MKNK1: variants seen among roughly 807,000 people sequenced by gnomAD.
The protein encoded by MKNK1 is MAPK interacting serine/threonine kinase 1.
A neutral mutation model predicts 49.3 loss-of-function variants in MKNK1; 30 were observed. The ratio of observed to expected loss-of-function variants is 0.61; its 90% CI spans 0.46 to 0.83. The LOEUF (loss-of-function observed/expected upper bound fraction) is 0.83. Among genes scored for constraint, MKNK1 ranks in the 40% least tolerant of loss-of-function variants. The pLI is 0.00. For missense variants in MKNK1, 423 were observed against 524.7 expected (o/e 0.81, Z 1.89); for synonymous variants, 176 against 201.7 (o/e 0.87, Z 1.08).
chr1:46,579,409 G>A (rs1051906387), intron 4 of MKNK1, among the ~76,000 whole-genome samples: 1 of 152,122 alleles, frequency 6.6e-6, no homozygotes, highest in African/African-American at 2.4e-5. Context: ...AGACTCAAGT[G>A]GGGAATCTGG....
rs780978342 is a variant in MKNK1, at chr1:46,594,212, G to T, written c.-102C>A. The T allele has an allele frequency of 7.6e-7, 1 of 1,311,264 alleles. No homozygotes were observed. The allele number at this position is 1,311,264 out of a possible 1,614,324, so 81.2% of individuals were successfully genotyped here. A position where few individuals can be genotyped will look rare whatever the true frequency, so the allele number is the denominator to read the frequency against. On this transcript the variant is annotated 5_prime_UTR_variant, in exon 2 of 13. Transcript: ENST00000371945. ...GGAAGTTGGTGTCTTCCAGCTACAC[G>T]AAGTGTCTCAATGGCCTTTGTGCGT...
intron 7 of MKNK1, among the ~76,000 whole-genome samples, chr1:46,570,557 C>T (rs1468226225): frequency 6.6e-6 from 1 of 152,226 alleles, no homozygotes; most frequent in Non-Finnish European, 1.5e-5. Context: ...CACTGGTCTG[C>T]ACCGGATTGT....
rs2148641838 is a variant in MKNK1, at chr1:46,572,114, T to C, written c.406A>G (p.Ser136Gly). ...GCAGCAACGTCCCGCACCACTCGGC[T>C]GGCTTCTCGCTCATTGAAGTGCTTT... is the stretch of plus-strand genomic sequence containing the variant. The part of the protein sequence containing the change: ...KQKHFNEREA[S>G]RVVRDVAAAL... The change falls in exon 7 of 13, where the codon AGC (serine) becomes GGC (glycine). Residue 136 changes from serine to glycine, a missense_variant. Transcript: ENST00000371945. The C allele has an allele frequency of 1.2e-6, 2 of 1,614,188 alleles. No individual in the cohort carries two copies. The highest frequency in any genetic ancestry group is 1.3e-5 in the African/African-American group (1 of 75,062).
chr1:46,569,371 A>T (rs1669687237), intron 7 of MKNK1: 1 of 152,270 alleles, frequency 6.6e-6, no homozygotes, highest in Non-Finnish European at 1.5e-5. Flanking sequence ...CTAACCAAAG[A>T]AAGGGACAAA....
intron 4 of MKNK1, among the ~76,000 whole-genome samples, chr1:46,578,566 G>A (rs11211305): frequency 0.047 from 7,062 of 151,272 alleles, 185 homozygotes; most frequent in African/African-American, 0.08. Context: ...GGTTTTTACC[G>A]CATTTAGACA....
At chr1:46,571,352 T>C (rs1570132757) in intron 7 of MKNK1, 2 of 255,722 alleles carry the variant, frequency 7.8e-6, no homozygotes, top group South Asian at 6.7e-5. Flanking sequence ...GAGACCAGCC[T>C]GGGCAACAGA....
intron 2 of MKNK1, 68 bp from the exon 3 acceptor site, chr1:46,583,397 G>GAA: frequency 2.0e-5 from 22 of 1,119,934 alleles, no homozygotes; most frequent in Admixed American, 7.3e-5. Context: ...TACCCAGAAG[G>GAA]AAAAAAAAAA....
At chr1:46,570,607 G>A (rs982998302) in intron 7 of MKNK1, among the ~76,000 whole-genome samples, 2 of 152,256 alleles carry the variant, frequency 1.3e-5, no homozygotes, top group African/African-American at 4.8e-5. Flanking sequence ...GCCTACCACT[G>A]GTCCCGGGCA....
At chr1:46,587,451 G>C (rs1233293567) in intron 2 of MKNK1, among the ~76,000 whole-genome samples, 1 of 152,188 alleles carries the variant, frequency 6.6e-6, no homozygotes, top group African/African-American at 2.4e-5. Flanking sequence ...GTGCCTCTTA[G>C]AGTCTCAGTT....
chr1:46,577,194 T>C (rs1167059606), intron 4 of MKNK1, among the ~76,000 whole-genome samples: 1 of 152,152 alleles, frequency 6.6e-6, no homozygotes, highest in Admixed American at 6.6e-5. Context: ...ATGATTTATT[T>C]ACGGCCGGGT....
Position 46,580,645 on chromosome 1 carries a change from G to A in MKNK1, c.101-18C>T, listed in dbSNP as rs372995446. 1.9e-5 allele frequency: 30 copies of A among 1,559,966 alleles called. 1 individual carries two copies. The Admixed American group carries it at 3.0e-4, about 16-fold the overall frequency. ...GTACATATCTAGAGGTGAAATGGAT[G>A]AGAGGAATAACAAGATGAGTCACCC... is the stretch of plus-strand genomic sequence containing the variant. On this transcript the variant is annotated intron_variant, in intron 3 of 12. Transcript: ENST00000371945.
In MKNK1 at chr1:46,558,399, T is replaced by C; in HGVS notation, c.*176A>G. On this transcript the variant is annotated 3_prime_UTR_variant, in exon 13 of 13. Coordinates refer to ENST00000371945, the MANE Select transcript of MKNK1 (RefSeq NM_001135553.4). ...AACCCCTTTGGAAAAAGCTTTTTCC[T>C]CCAGGACCCTAGGGAAATGGGGGTT... 3.2e-6 allele frequency: 2 copies of C among 629,694 alleles called. No homozygotes were observed. The highest frequency in any genetic ancestry group is 3.5e-5 in the Admixed American group (1 of 28,176). The allele number at this position is 629,694 out of a possible 1,614,324, so 39.0% of individuals were successfully genotyped here. A position where few individuals can be genotyped will look rare whatever the true frequency, so the allele number is the denominator to read the frequency against.
At chr1:46,588,590 G>A (rs1403795648) in intron 2 of MKNK1, among the ~76,000 whole-genome samples, 4 of 152,112 alleles carry the variant, frequency 2.6e-5, no homozygotes, top group Non-Finnish European at 5.9e-5. Context: ...GGCGGATCAC[G>A]AGGTCAGGAG....
Position 46,583,533 on chromosome 1 carries a change from G to C in MKNK1, c.-2-204C>G, listed in dbSNP as rs1223479025. 1.3e-5 allele frequency among the ~76,000 whole-genome samples: 2 copies of C among 152,160 alleles called. 1 individual carries two copies. Among genetic ancestry groups the C allele is most frequent in the Non-Finnish European group, 2.9e-5 (2 of 68,014 alleles). On this transcript the variant is annotated intron_variant, in intron 2 of 12. Transcript: ENST00000371945. ...CCATTATGGGAGATCATTAACTGTG[G>C]AAAGGAGCTCAGACAGGCAGGCTAG...
intron 1 of MKNK1, 46 bp from the exon 2 acceptor site, chr1:46,594,326 TA>T (rs1488071520): frequency 1.5e-6 from 1 of 669,772 alleles, no homozygotes; most frequent in East Asian, 2.7e-5. Context: ...CTGACTTCTT[TA>T]AAAGGACCAG....
chr1:46,596,028 G>A (rs767232377), intron 1 of MKNK1, among the ~76,000 whole-genome samples: 2 of 152,176 alleles, frequency 1.3e-5, no homozygotes, highest in Non-Finnish European at 2.9e-5. Context: ...GATTATGGGC[G>A]TGAGCCACCA....
chr1:46,593,225 G>A (rs1211120132), intron 2 of MKNK1, among the ~76,000 whole-genome samples: 1 of 152,124 alleles, frequency 6.6e-6, no homozygotes, highest in Non-Finnish European at 1.5e-5. Context: ...TTGAGCTACG[G>A]TCTCGCTCTG....
In MKNK1 at chr1:46,579,346, T is replaced by C. The variant is rs897971122; in HGVS notation, c.198+1184A>G. Among the ~76,000 whole-genome samples, 8 of 152,296 alleles carry C rather than the reference T, an allele frequency of 5.3e-5. No homozygotes were observed. In the South Asian group the frequency reaches 1.5e-3, roughly 28 times the overall value. The stretch of plus-strand genomic sequence containing the variant: ...GTGGGTGATTTGAAATCAGCTTGGA[T>C]TTAAAAAGACCCTTTCTCTAGGTCA... On this transcript the variant is annotated intron_variant, in intron 4 of 12. Transcript: ENST00000371945.
chr1:46,601,136 C>T (rs1464477894), intron 1 of MKNK1, among the ~76,000 whole-genome samples: 2 of 152,136 alleles, frequency 1.3e-5, no homozygotes, highest in African/African-American at 4.8e-5. Flanking sequence ...AGGCTGGTCT[C>T]GAACTTCTGA....
Sources: allele counts gnomAD v4.1 joint callset (sites outside exome capture counted in the v4.1 genomes callset), GRCh38; gene constraint gnomAD v4.1.1; transcripts MANE v1.5; gene names NCBI Gene and HGNC (gene_info 2026-07-23, HGNC 2026-07-21).